EYS: variants seen among roughly 807,000 people sequenced by gnomAD.
EYS encodes protein eyes shut homolog.
A neutral mutation model predicts 282.1 loss-of-function variants in EYS; 250 were observed. The ratio of observed to expected loss-of-function variants is 0.89; its 90% CI spans 0.80 to 0.98. EYS has a LOEUF of 0.98. Ranked by LOEUF, EYS falls within the 50% of genes least tolerant of loss-of-function variation. The pLI is 0.00. For synonymous variants in EYS, 1,355 were observed against 1,282.9 expected (o/e 1.06, Z -1.20); for missense variants, 4,016 against 3,709.0 (o/e 1.08, Z -2.15).
At chr6:63,862,154 T>G (rs892946836) in intron 36 of EYS, among the ~76,000 whole-genome samples, 1 of 152,188 alleles carries the variant, frequency 6.6e-6, no homozygotes, top group African/African-American at 2.4e-5. Context: ...GGTGACCTGT[T>G]AAAATGCCCT....
intron 26 of EYS, among the ~76,000 whole-genome samples, chr6:64,550,466 T>TA (rs1208987726): frequency 6.6e-6 from 1 of 152,190 alleles, no homozygotes; most frequent in Non-Finnish European, 1.5e-5. Context: ...GTGGTTTTGA[T>TA]ATGCATTTAG....
intron 12 of EYS, among the ~76,000 whole-genome samples, chr6:65,068,128 T>C (rs1440453763): frequency 6.6e-6 from 1 of 152,116 alleles, no homozygotes; most frequent in East Asian, 1.9e-4. Flanking sequence ...TACTAAAGAT[T>C]TTATTGCCTG....
intron 2 of EYS, among the ~76,000 whole-genome samples, chr6:65,601,426 C>CT (rs903711523): frequency 3.3e-5 from 5 of 151,710 alleles, no homozygotes; most frequent in Non-Finnish European, 4.4e-5. Context: ...GTCAATTATG[C>CT]TTTTTTTTCC....
In EYS at chr6:63,720,439, G is replaced by A. The variant is rs1768327886; in HGVS notation, c.*157C>T. 2 of 578,234 alleles carry A rather than the reference G, an allele frequency of 3.5e-6. 1 individual carries two copies. Among genetic ancestry groups the A allele is most frequent in the Non-Finnish European group, 5.7e-6 (2 of 348,146 alleles). 35.8% of individuals were successfully genotyped at this position (578,234 alleles called of 1,614,324 possible). On this transcript the variant is annotated 3_prime_UTR_variant, in exon 43 of 43. Transcript: ENST00000503581. ...GTAGGAAAAACAATCAGAACCTTCA[G>A]TGACATTTTACAATCTTATCAAAAA... is the stretch of plus-strand genomic sequence containing the variant.
intron 35 of EYS, among the ~76,000 whole-genome samples, chr6:63,910,145 A>G (rs1226315909): frequency 1.3e-5 from 2 of 152,218 alleles, no homozygotes; most frequent in African/African-American, 4.8e-5. Flanking sequence ...TAGAGTTTCC[A>G]GCCCCATAAG....
intron 7 of EYS, among the ~76,000 whole-genome samples, chr6:65,389,844 G>A (rs941702531): frequency 6.6e-6 from 1 of 152,040 alleles, no homozygotes; most frequent in African/African-American, 2.4e-5. Context: ...CAGGTTTGGT[G>A]TTTTCAGGTC....
intron 28 of EYS, among the ~76,000 whole-genome samples, chr6:64,425,884 G>A (rs1453452916): frequency 6.6e-6 from 1 of 151,954 alleles, no homozygotes; most frequent in Non-Finnish European, 1.5e-5. Context: ...GGGGAAGGAA[G>A]GAAGGAATGG....
intron 12 of EYS, among the ~76,000 whole-genome samples, chr6:65,220,658 G>C (rs1421887983): frequency 6.6e-6 from 1 of 152,128 alleles, no homozygotes; most frequent in East Asian, 1.9e-4. Context: ...CCAGTAGAGT[G>C]GGGTGCTGCT....
chr6:65,287,138 G>GA (rs895008357), intron 12 of EYS, among the ~76,000 whole-genome samples: 7 of 150,370 alleles, frequency 4.7e-5, no homozygotes, highest in African/African-American at 7.3e-5. Context: ...TGGGAAAATT[G>GA]AAAAAAAATA....
chr6:63,810,127 G>A (rs367732253), intron 36 of EYS, among the ~76,000 whole-genome samples: 1 of 151,192 alleles, frequency 6.6e-6, no homozygotes. Flanking sequence ...CGAGTGTGGT[G>A]GCACGCGCCT....
At chr6:64,106,226 T>A (rs1373854587) in intron 31 of EYS, among the ~76,000 whole-genome samples, 2 of 152,118 alleles carry the variant, frequency 1.3e-5, no homozygotes, top group African/African-American at 4.8e-5. Flanking sequence ...TGAACTTTTT[T>A]TAAAAAAACT....
intron 16 of EYS, among the ~76,000 whole-genome samples, chr6:64,911,382 T>G (rs1000993008): frequency 2.6e-5 from 4 of 152,284 alleles, no homozygotes; most frequent in Admixed American, 2.0e-4. Context: ...TTTTAATCCT[T>G]CAGAAGGCCC....
intron 36 of EYS, among the ~76,000 whole-genome samples, chr6:63,856,008 C>T (rs1324597107): frequency 7.2e-6 from 1 of 138,420 alleles, no homozygotes; most frequent in Non-Finnish European, 1.5e-5. Flanking sequence ...TTTTTTGTTT[C>T]AGTGAAGTTT....
chr6:65,640,071 A>G (rs1416120352), intron 1 of EYS, among the ~76,000 whole-genome samples, 179 bp from the exon 2 acceptor site: 2 of 151,768 alleles, frequency 1.3e-5, no homozygotes, highest in East Asian at 3.9e-4. Flanking sequence ...TAAGATGGTA[A>G]TTAACTTTCA....
At chr6:65,328,848 A>G (rs1582146293) in intron 11 of EYS, among the ~76,000 whole-genome samples, 1 of 151,326 alleles carries the variant, frequency 6.6e-6, no homozygotes, top group East Asian at 1.9e-4. Context: ...TTATGACCCA[A>G]ATACCATATA....
chr6:65,385,931 A>T (rs942723673), intron 7 of EYS, among the ~76,000 whole-genome samples: 17 of 151,926 alleles, frequency 1.1e-4, no homozygotes, highest in African/African-American at 3.9e-4. Context: ...GCTTTAGCAT[A>T]TCCTAAAAGT....
intron 30 of EYS, among the ~76,000 whole-genome samples, chr6:64,304,406 T>C (rs1264239610): frequency 1.3e-5 from 2 of 152,130 alleles, no homozygotes; most frequent in South Asian, 2.1e-4. Context: ...AGTAAGGAAA[T>C]AGAGGACTTA....
intron 2 of EYS, among the ~76,000 whole-genome samples, chr6:65,512,479 C>A (rs113274256): frequency 9.3e-5 from 11 of 117,786 alleles, no homozygotes; most frequent in African/African-American, 3.5e-4. Flanking sequence ...GGCGACAGAG[C>A]GAGACTCTAT....
intron 1 of EYS, among the ~76,000 whole-genome samples, chr6:65,691,803 T>C (rs1265409579): frequency 6.7e-6 from 1 of 150,362 alleles, no homozygotes. Flanking sequence ...CACATATGGC[T>C]AGCCAATTTT....
Sources: allele counts gnomAD v4.1 joint callset (sites outside exome capture counted in the v4.1 genomes callset), GRCh38; gene constraint gnomAD v4.1.1; transcripts MANE v1.5; gene names NCBI Gene and HGNC (gene_info 2026-07-23, HGNC 2026-07-21).